Variants in HS3ST3A1 observed in about 807,000 individuals in gnomAD.
The protein encoded by HS3ST3A1 is heparan sulfate-glucosamine 3-sulfotransferase 3A1.
A neutral mutation model predicts 25.7 loss-of-function variants in HS3ST3A1; 19 were observed. The observed-to-expected ratio is 0.74, with a 90% CI of 0.52 to 1.08. HS3ST3A1 has a LOEUF of 1.08. Among genes scored for constraint, HS3ST3A1 ranks in the 50% least tolerant of loss-of-function variants. The pLI, the probability that HS3ST3A1 is intolerant of heterozygous loss-of-function variation, is 0.00. For synonymous variants in HS3ST3A1, 226 were observed against 278.6 expected, an observed-to-expected ratio of 0.81 and a Z score of 1.88; for missense variants, 459 against 594.3, an observed-to-expected ratio of 0.77 and a Z score of 2.37.
chr17:13,521,577 C>T (rs749875737), intron 1 of HS3ST3A1, among the ~76,000 whole-genome samples: 4 of 152,156 alleles, frequency 2.6e-5, no homozygotes, highest in Admixed American at 2.0e-4. Flanking sequence ...CATTCGTTAA[C>T]GTTTAACCTC....
Position 13,496,682 on chromosome 17 carries a change from C to T in HS3ST3A1, c.736G>A (p.Val246Met). ...GTGTAGTCCGAGATGGCCCTGGTCA[C>T]CGGGTCCCGCACCACCACGATGAGC... Reference protein sequence around the residue: ...TKLIVVVRDPVTRAISDYTQT... With the variant: ...TKLIVVVRDPMTRAISDYTQT... The change falls in exon 2 of 2, where the codon GTG becomes ATG. Residue 246 changes from valine to methionine, a missense_variant. Coordinates refer to ENST00000284110, the MANE Select transcript of HS3ST3A1 (RefSeq NM_006042.3). 1 of 1,613,992 alleles carries T rather than the reference C, an allele frequency of 6.2e-7. No homozygotes were observed. The highest frequency in any genetic ancestry group is 8.5e-7 in the Non-Finnish European group (1 of 1,179,986).
intron 1 of HS3ST3A1, among the ~76,000 whole-genome samples, chr17:13,537,705 C>A (rs1428586618): frequency 6.6e-6 from 1 of 152,162 alleles, no homozygotes; most frequent in Non-Finnish European, 1.5e-5. Context: ...ATTCAATTTT[C>A]TTTCAAGTAT....
intron 1 of HS3ST3A1, among the ~76,000 whole-genome samples, chr17:13,567,055 A>T (rs149792160): frequency 1.1e-4 from 17 of 152,370 alleles, no homozygotes; most frequent in African/African-American, 3.8e-4. Flanking sequence ...ACCTGGCTTC[A>T]AAGTTTCAAG....
intron 1 of HS3ST3A1, among the ~76,000 whole-genome samples, chr17:13,518,545 A>G (rs1906125741): frequency 6.6e-6 from 1 of 152,108 alleles, no homozygotes; most frequent in Admixed American, 6.5e-5. Context: ...TTTGCCATGG[A>G]CTTTCTAGTT....
intron 1 of HS3ST3A1, among the ~76,000 whole-genome samples, chr17:13,504,395 A>G (rs1361223220): frequency 3.3e-5 from 5 of 152,180 alleles, no homozygotes; most frequent in Non-Finnish European, 7.4e-5. Flanking sequence ...GAAACACTGT[A>G]TGATTTCCTT....
chr17:13,535,028 A>AAAATAAATAAAT (rs71312976), intron 1 of HS3ST3A1, among the ~76,000 whole-genome samples: 5,197 of 149,396 alleles, frequency 0.035, 224 homozygotes, highest in African/African-American at 0.092. Context: ...CTCCATCTCA[A>AAAATAAATAAAT]AAATAAATAA....
intron 1 of HS3ST3A1, among the ~76,000 whole-genome samples, chr17:13,582,105 C>T (rs1019136687): frequency 6.6e-6 from 1 of 151,354 alleles, no homozygotes; most frequent in Non-Finnish European, 1.5e-5. Context: ...AGGAAGTGTT[C>T]CTCCTCTTTT....
At chr17:13,574,948 A>C (rs1380732713) in intron 1 of HS3ST3A1, among the ~76,000 whole-genome samples, 3 of 152,112 alleles carry the variant, frequency 2.0e-5, no homozygotes, top group Non-Finnish European at 4.4e-5. Flanking sequence ...CCTATAGTCA[A>C]ATTAATCCTC....
At chr17:13,547,352 G>A (rs1034177778) in intron 1 of HS3ST3A1, among the ~76,000 whole-genome samples, 1 of 152,090 alleles carries the variant, frequency 6.6e-6, no homozygotes, top group African/African-American at 2.4e-5. Flanking sequence ...TCAGGGGAAC[G>A]GGTTGCCAGA....
At chr17:13,534,148 T>C (rs1478603772) in intron 1 of HS3ST3A1, among the ~76,000 whole-genome samples, 4 of 152,258 alleles carry the variant, frequency 2.6e-5, no homozygotes, top group Admixed American at 2.6e-4. Context: ...CTTGCTCTAC[T>C]TAGTAGTAGC....
intron 1 of HS3ST3A1, among the ~76,000 whole-genome samples, chr17:13,511,417 A>G (rs112170559): frequency 1.1e-4 from 16 of 152,254 alleles, no homozygotes; most frequent in African/African-American, 2.6e-4. Flanking sequence ...GAGAAAAAAA[A>G]TCAAATTAAG....
intron 1 of HS3ST3A1, among the ~76,000 whole-genome samples, chr17:13,549,730 CT>C (rs1229830318): frequency 1.3e-5 from 2 of 152,216 alleles, no homozygotes; most frequent in African/African-American, 2.4e-5. Flanking sequence ...TCCATGCCGA[CT>C]GTCACACAGG....
intron 1 of HS3ST3A1, among the ~76,000 whole-genome samples, chr17:13,560,319 A>AAAAAAAAAAAAAAAAAAAAAT (rs1907502490): frequency 6.9e-6 from 1 of 143,922 alleles, no homozygotes; most frequent in Non-Finnish European, 1.5e-5. Flanking sequence ...AAAAAAAAAA[A>AAAAAAAAAAAAAAAAAAAAAT]GTGTATTACC....
At chr17:13,520,556 C>G (rs1437453734) in intron 1 of HS3ST3A1, among the ~76,000 whole-genome samples, 1 of 152,142 alleles carries the variant, frequency 6.6e-6, no homozygotes, top group East Asian at 1.9e-4. Flanking sequence ...TCTGTAGAAC[C>G]AGTCAACAGT....
At chr17:13,550,716 C>A (rs567027404) in intron 1 of HS3ST3A1, among the ~76,000 whole-genome samples, 1 of 151,826 alleles carries the variant, frequency 6.6e-6, no homozygotes, top group South Asian at 2.1e-4. Context: ...AAAACAACAA[C>A]AACAACAACA....
intron 1 of HS3ST3A1, among the ~76,000 whole-genome samples, chr17:13,511,637 C>G (rs1448456793): frequency 6.6e-6 from 1 of 151,326 alleles, no homozygotes; most frequent in Non-Finnish European, 1.5e-5. Context: ...TGATGCCACT[C>G]TGACATGTAT....
At chr17:13,527,377 A>G (rs1906465177) in intron 1 of HS3ST3A1, among the ~76,000 whole-genome samples, 1 of 152,176 alleles carries the variant, frequency 6.6e-6, no homozygotes, top group Non-Finnish European at 1.5e-5. Flanking sequence ...TACTTTTAAA[A>G]TTCCCCTAAT....
At chr17:13,596,655 A>T (rs184399370) in intron 1 of HS3ST3A1, among the ~76,000 whole-genome samples, 3 of 152,064 alleles carry the variant, frequency 2.0e-5, no homozygotes, top group African/African-American at 7.2e-5. Flanking sequence ...GCCCTCATCT[A>T]TTCCCAATGT....
At chr17:13,578,450 C>A (rs938503470) in intron 1 of HS3ST3A1, among the ~76,000 whole-genome samples, 2 of 150,090 alleles carry the variant, frequency 1.3e-5, no homozygotes, top group Non-Finnish European at 3.0e-5. Context: ...GTAGTCCCAG[C>A]TACTTGGGAA....
Sources: allele counts gnomAD v4.1 joint callset (sites outside exome capture counted in the v4.1 genomes callset), GRCh38; gene constraint gnomAD v4.1.1; transcripts MANE v1.5; gene names NCBI Gene and HGNC (gene_info 2026-07-23, HGNC 2026-07-21).